Variants in ATAD2B observed in about 807,000 individuals in gnomAD.
ATAD2B encodes ATPase family AAA domain containing 2B, also known as ATPase family AAA domain-containing protein 2B.
In ATAD2B, 40 loss-of-function variants were observed where a neutral mutation model predicts 167.6. The ratio of observed to expected loss-of-function variants is 0.24; its 90% CI spans 0.19 to 0.31. The LOEUF is 0.31. ATAD2B is among the 10% of genes least tolerant of loss of function. ATAD2B has a pLI of 1.00. For missense variants in ATAD2B, 1,242 were observed against 1,757.2 expected (o/e 0.71, Z 5.24); for synonymous variants, 579 against 596.5 (o/e 0.97, Z 0.43).
chr2:23,701,895 G>A, the ATAD2B span, among the ~76,000 whole-genome samples: 1 of 143,946 alleles, frequency 6.9e-6, no homozygotes, highest in Non-Finnish European at 1.5e-5. Flanking sequence ...CTGCCTCCCA[G>A]GTTCAAGCAG....
At position 23,869,746 on chromosome 2, in the gene ATAD2B, G is replaced by T. The variant is rs2150091882; in HGVS notation, c.993C>A (p.Ala331=). ...RRSHIRRKKH[A]IHSSDTTSSD... ...AAGAAGTTGTGTCACTACTATGAAT[G>T]GCATGCTTCTTTCTCCTATTTAAAG... Residue 331 remains alanine, a synonymous_variant, in exon 9 of 28, where the codon GCC becomes GCA. Coordinates refer to ENST00000238789, the MANE Select transcript of ATAD2B (RefSeq NM_017552.4). The T allele has an allele frequency of 6.4e-7, 1 of 1,561,646 alleles. No homozygotes were observed. The highest frequency in any genetic ancestry group is 2.3e-5 in the East Asian group (1 of 43,022).
At chr2:23,832,758 G>C (rs1434117022) in intron 14 of ATAD2B, 2 of 152,270 alleles carry the variant, frequency 1.3e-5, no homozygotes, top group African/African-American at 4.8e-5. Context: ...TAGTACAGAA[G>C]ACAAATGGGA....
At chr2:23,696,750 C>T in the ATAD2B span, 36 of 463,758 alleles carry the variant, frequency 7.8e-5, no homozygotes, top group Non-Finnish European at 1.2e-4. This position sits in a 1 kb window ranked among gnomAD's most constrained non-coding sequence, Gnocchi z 5.5. Context: ...GGAGATGGGG[C>T]GCTTCTGTCC....
At chr2:23,908,494 C>T (rs1196303181) in intron 1 of ATAD2B, among the ~76,000 whole-genome samples, 4 of 152,134 alleles carry the variant, frequency 2.6e-5, no homozygotes, top group Non-Finnish European at 5.9e-5. Flanking sequence ...ACAACAGGTG[C>T]TGGAGAGGAT....
At chr2:23,744,687 T>C (rs1674713869), downstream of ATAD2B, among the ~76,000 whole-genome samples, 3 of 152,098 alleles carry the variant, frequency 2.0e-5, no homozygotes, top group Non-Finnish European at 1.5e-5. Flanking sequence ...AGAAGGAACA[T>C]AACCAGGATT....
At chr2:23,824,494 A>C (rs1687946286) in intron 15 of ATAD2B, among the ~76,000 whole-genome samples, 1 of 152,204 alleles carries the variant, frequency 6.6e-6, no homozygotes, top group Non-Finnish European at 1.5e-5. Flanking sequence ...ATTAACATTC[A>C]GTTACTCCCA....
At chr2:23,891,267 G>A (rs1397233485) in intron 2 of ATAD2B, among the ~76,000 whole-genome samples, 4 of 151,916 alleles carry the variant, frequency 2.6e-5, no homozygotes, top group East Asian at 2.0e-4. Context: ...TGATCCACCC[G>A]CCTTGGCCTC....
At chr2:23,907,969 A>G (rs557667689) in intron 1 of ATAD2B, among the ~76,000 whole-genome samples, 26 of 152,122 alleles carry the variant, frequency 1.7e-4, no homozygotes, top group African/African-American at 5.8e-4. Context: ...CCTTCCTTAC[A>G]CCTTATACAA....
At chr2:23,868,655 A>AT (rs967685997) in intron 9 of ATAD2B, among the ~76,000 whole-genome samples, 8 of 151,828 alleles carry the variant, frequency 5.3e-5, no homozygotes, top group Non-Finnish European at 7.4e-5. Flanking sequence ...TTGTCTTTCC[A>AT]TTTTTTTCAA....
chr2:23,726,343 CCTTA>C, the ATAD2B span, among the ~76,000 whole-genome samples: 367 of 152,170 alleles, frequency 2.4e-3, 2 homozygotes, highest in Non-Finnish European at 3.9e-3. Flanking sequence ...TGACTAATAG[CCTTA>C]CTGATAACAT....
the ATAD2B span, among the ~76,000 whole-genome samples, chr2:23,682,428 G>A: frequency 1.3e-5 from 2 of 152,124 alleles, no homozygotes; most frequent in Non-Finnish European, 2.9e-5. This position sits in a 1 kb window ranked among gnomAD's most constrained non-coding sequence, Gnocchi z 4.1. Context: ...TCTGCACGGC[G>A]CTATCTTGCC....
the ATAD2B span, among the ~76,000 whole-genome samples, chr2:23,729,866 A>G: frequency 1.3e-5 from 2 of 152,254 alleles, no homozygotes; most frequent in Non-Finnish European, 2.9e-5. Context: ...CCAAAATGTA[A>G]TACAACTAAC....
intron 1 of ATAD2B, among the ~76,000 whole-genome samples, chr2:23,918,202 C>CAAAAA (rs35163952): frequency 6.2e-4 from 59 of 95,578 alleles, no homozygotes; most frequent in African/African-American, 1.2e-3. Flanking sequence ...CTTGTCTCTA[C>CAAAAA]AAAAAAAAAA....
At chr2:23,743,585 G>A in the ATAD2B span, among the ~76,000 whole-genome samples, 1,385 of 151,324 alleles carry the variant, frequency 9.2e-3, 11 homozygotes, top group Non-Finnish European at 0.014. Flanking sequence ...AAAAGAGAGA[G>A]AGAGTTGGAT....
chr2:23,752,684 T>C (rs1047138035), intron 27 of ATAD2B, among the ~76,000 whole-genome samples: 3 of 152,080 alleles, frequency 2.0e-5, no homozygotes, highest in African/African-American at 7.2e-5. Context: ...GAGCCCTTCC[T>C]TCCTCATTAT....
intron 19 of ATAD2B, among the ~76,000 whole-genome samples, chr2:23,790,339 T>G (rs371246721): frequency 1.3e-5 from 2 of 152,188 alleles, no homozygotes; most frequent in East Asian, 3.9e-4. Context: ...CTAGGTAAGA[T>G]GTACCAGAAA....
At chr2:23,792,987 A>AAC (rs1682039718) in intron 19 of ATAD2B, among the ~76,000 whole-genome samples, 1 of 150,600 alleles carries the variant, frequency 6.6e-6, no homozygotes, top group Non-Finnish European at 1.5e-5. Context: ...AAAAAAAAAA[A>AAC]AAACTTGAGA....
In ATAD2B at chr2:23,750,085, T is replaced by C. The variant is rs190280480; in HGVS notation, c.*1961A>G. ...TACAAAATGCTAATGTATTAGACAA[T>C]AAAATAGTTTGAATCGGTATGATGG... On this transcript the variant is annotated 3_prime_UTR_variant, in exon 28 of 28. Coordinates refer to ENST00000238789, the MANE Select transcript of ATAD2B (RefSeq NM_017552.4). 1.3e-5 allele frequency: 2 copies of C among 152,214 alleles called. No individual in the cohort carries two copies. The highest frequency in any genetic ancestry group is 1.3e-4 in the Admixed American group (2 of 15,276). 9.4% of individuals were successfully genotyped at this position (152,214 alleles called of 1,614,324 possible).
intron 14 of ATAD2B, among the ~76,000 whole-genome samples, chr2:23,829,989 T>A (rs974705217): frequency 2.1e-5 from 1 of 47,608 alleles, no homozygotes; most frequent in Non-Finnish European, 5.0e-5. Flanking sequence ...TCTAAAATAG[T>A]TTTTTTTGTT....
Sources: gnomAD v4.1 joint callset for allele counts (sites outside exome capture counted in the v4.1 genomes callset) on GRCh38, gnomAD v4.1.1 for gene constraint, Gnocchi (gnomAD v3.1) non-coding constraint, MANE v1.5 for transcripts, NCBI Gene and HGNC (gene_info 2026-07-23, HGNC 2026-07-21) for gene names.